SLC47A2: variants seen among roughly 807,000 people sequenced by gnomAD.
SLC47A2 encodes multidrug and toxin extrusion protein 2.
In SLC47A2, 52 loss-of-function variants were observed where a neutral mutation model predicts 67.7. The ratio of observed to expected loss-of-function variants is 0.77; its 90% CI spans 0.61 to 0.97. SLC47A2 has a LOEUF of 0.97. SLC47A2 is among the 50% of genes least tolerant of loss of function. The probability of loss-of-function intolerance (pLI) is 0.00; values close to 1 mark genes in which losing one functional copy is unlikely to be tolerated. For missense variants in SLC47A2, 676 were observed against 712.3 expected (o/e 0.95, Z 0.58); for synonymous variants, 278 against 292.9 (o/e 0.95, Z 0.52).
At position 19,708,737 on chromosome 17, in the gene SLC47A2, C is replaced by T; in HGVS notation, c.510G>A (p.Leu170=). Residue 170 remains leucine (L), a synonymous_variant, in exon 6 of 17, where the codon CTG becomes CTA. Transcript: ENST00000433844. ...GTACCTGATTTTGCAAATATTTTGC[C>T]AGCAGATTGTAAAGAAAAATCACCT... ...GLPVIFLYNL[L]AKYLQNQKIT... is the part of the protein sequence containing the mutation. 6.2e-7 allele frequency: 1 copy of T among 1,613,984 alleles called. No individual in the cohort carries two copies. Among genetic ancestry groups the T allele is most frequent in the Non-Finnish European group, 8.5e-7 (1 of 1,180,036 alleles).
Position 19,705,479 on chromosome 17 carries a change from G to A in SLC47A2, c.866C>T (p.Ser289Phe). ...LMGLLSVVDL[S>F]AQAVIYEVAT... ...CACCTCGTAGATGACAGCCTGGGCA[G>A]AGAGATCCACCACACTGAGCAGCCC... Residue 289 changes from serine to phenylalanine, a missense_variant, in exon 10 of 17, where the codon TCT (serine) becomes TTT (phenylalanine). Ser to Phe is a radical substitution (Grantham distance 155). Transcript: ENST00000433844. The A allele has an allele frequency of 6.2e-7, 1 of 1,611,630 alleles. No homozygotes were observed. The highest frequency in any genetic ancestry group is 1.3e-5 in the African/African-American group (1 of 74,982).
chr17:19,685,461 G>A lies in SLC47A2; in HGVS notation c.1165-3791C>T, dbSNP rs12603959. Among the ~76,000 whole-genome samples, 30,381 of 151,466 alleles carry A rather than the reference G, an allele frequency of 0.2. 3,529 individuals are homozygous for A. The highest frequency in any genetic ancestry group is 0.39 in the East Asian group (1,978 of 5,118). On this transcript the variant is annotated intron_variant, in intron 13 of 16. Transcript: ENST00000433844. This position sits in a 1 kb window ranked among gnomAD's most constrained non-coding sequence, Gnocchi z 4.5. ...AGGAGCCCCTCTGCCTGGCCGCCCC[G>A]TCTGGGAAGTGAGGAGTGCCTCTGC...
intron 13 of SLC47A2, among the ~76,000 whole-genome samples, chr17:19,699,187 G>A (rs1366932606): frequency 2.0e-5 from 3 of 152,026 alleles, no homozygotes; most frequent in Non-Finnish European, 4.4e-5. Flanking sequence ...ACTGGAGAAA[G>A]CCTAGTTTTT....
At chr17:19,716,331 G>C (rs915757139) in intron 1 of SLC47A2, 102 bp downstream of exon 1, 47 of 1,460,012 alleles carry the variant, frequency 3.2e-5, no homozygotes, top group Non-Finnish European at 4.0e-5. Flanking sequence ...GCAGTTTCTG[G>C]GGAAAATGTG....
chr17:19,692,850 G>A (rs541731260), intron 13 of SLC47A2, among the ~76,000 whole-genome samples: 106 of 152,158 alleles, frequency 7.0e-4, no homozygotes, highest in Admixed American at 3.4e-3. Flanking sequence ...AGGTTTATCC[G>A]GGCCAGGCGC....
rs2085906162 is a variant in SLC47A2 at position 19,705,457 on chromosome 17, C to T, written c.888G>A (p.Glu296=). Reference sequence around the variant, plus strand: ...TTACCATGTAGGTCACAGTGGCCACCTCGTAGATGACAGCCTGGGCAGAGA... The same window carrying T: ...TTACCATGTAGGTCACAGTGGCCACTTCGTAGATGACAGCCTGGGCAGAGA... ...VDLSAQAVIY[E]VATVTYMIPL... Residue 296 remains glutamate (E), a synonymous_variant, in exon 10 of 17, where the codon GAG becomes GAA. Transcript: ENST00000433844. 2 of 1,612,528 alleles carry T rather than the reference C, an allele frequency of 1.2e-6. No individual in the cohort carries two copies. The highest frequency in any genetic ancestry group is 2.2e-5 in the East Asian group (1 of 44,764).
At chr17:19,684,240 G>A (rs1567615802) in intron 13 of SLC47A2, among the ~76,000 whole-genome samples, 2 of 152,168 alleles carry the variant, frequency 1.3e-5, no homozygotes, top group African/African-American at 2.4e-5. Flanking sequence ...TTCATACAAA[G>A]TATGTTCTCT....
chr17:19,679,207 C>T (rs1169415220), intron 16 of SLC47A2, among the ~76,000 whole-genome samples: 2 of 152,172 alleles, frequency 1.3e-5, no homozygotes, highest in Non-Finnish European at 2.9e-5. Context: ...TTCAAAAGCA[C>T]GTGGGAAACA....
chr17:19,691,115 C>T, intron 13 of SLC47A2, among the ~76,000 whole-genome samples: 1 of 149,774 alleles, frequency 6.7e-6, no homozygotes, highest in Non-Finnish European at 1.5e-5. Flanking sequence ...AAGAGCGAAA[C>T]TCCGTCTAAA....
At chr17:19,686,851 A>G (rs1042926218) in intron 13 of SLC47A2, among the ~76,000 whole-genome samples, 1 of 152,236 alleles carries the variant, frequency 6.6e-6, no homozygotes, top group Admixed American at 6.5e-5. Flanking sequence ...TAATAGCTAG[A>G]GATTTCAACA....
chr17:19,707,659 C>A, intron 8 of SLC47A2, 87 bp downstream of exon 8: 1 of 1,180,194 alleles, frequency 8.5e-7, no homozygotes, highest in South Asian at 1.3e-5. Context: ...TCTACTGCAC[C>A]CTCTGCCTGC....
intron 13 of SLC47A2, among the ~76,000 whole-genome samples, chr17:19,684,794 A>G (rs529248501): frequency 9.5e-4 from 144 of 152,120 alleles, no homozygotes; most frequent in Middle Eastern, 3.4e-3. Context: ...TGCATCTATT[A>G]AAAAAACTAC....
At chr17:19,714,879 G>C in intron 2 of SLC47A2, 90 bp from the exon 3 acceptor site, 1 of 1,566,500 alleles carries the variant, frequency 6.4e-7, no homozygotes, top group Non-Finnish European at 8.8e-7. Context: ...GTCAGGAAAT[G>C]CTGCCCAGCA....
chr17:19,698,823 C>G (rs1170532413), intron 13 of SLC47A2, among the ~76,000 whole-genome samples: 1 of 144,646 alleles, frequency 6.9e-6, no homozygotes, highest in Non-Finnish European at 1.5e-5. Context: ...TGCAACCAGC[C>G]ATGGATCAAA....
At chr17:19,707,172 A>G (rs2085963202) in intron 8 of SLC47A2, among the ~76,000 whole-genome samples, 1 of 152,130 alleles carries the variant, frequency 6.6e-6, no homozygotes, top group African/African-American at 2.4e-5. Context: ...TGCACTGGGC[A>G]AGCTTGGAAG....
intron 13 of SLC47A2, among the ~76,000 whole-genome samples, chr17:19,694,510 T>A (rs774315938): frequency 5.9e-5 from 9 of 152,210 alleles, no homozygotes; most frequent in Non-Finnish European, 8.8e-5. Flanking sequence ...AGAAACTTAG[T>A]ACTGGAGAAA....
In SLC47A2 at chr17:19,705,459, C is replaced by A; in HGVS notation, c.886G>T (p.Glu296Ter). ...VDLSAQAVIYEVATVTYMIPL... is the reference protein window; with the variant it reads ...VDLSAQAVIY The stretch of plus-strand genomic sequence containing the variant: ...ACCATGTAGGTCACAGTGGCCACCT[C>A]GTAGATGACAGCCTGGGCAGAGAGA... Residue 296 changes from glutamate to a stop codon, truncating the protein, a stop_gained, in exon 10 of 17, where the codon GAG (glutamate) becomes TAG (stop). Transcript: ENST00000433844. LOFTEE classifies it high-confidence loss of function. 2 of 1,612,502 alleles carry A rather than the reference C, an allele frequency of 1.2e-6. No homozygotes were observed.
rs773382169 is a variant in SLC47A2, at chr17:19,702,621, A to C, written c.1148T>G (p.Val383Gly). 5.6e-6 allele frequency: 9 copies of C among 1,613,930 alleles called. No individual in the cohort carries two copies. Among genetic ancestry groups the C allele is most frequent in the Non-Finnish European group, 7.6e-6 (9 of 1,179,994 alleles). Residue 383 changes from valine to glycine, a missense_variant, in exon 13 of 17, where the codon GTG becomes GGG. Transcript: ENST00000433844. ...GGTACTTACACAGATGGCCTCAAAC[A>C]CGTGAAAGACACTATAAACCGGCAA... is the stretch of plus-strand genomic sequence containing the variant. ...QVLPVYSVFH[V>G]FEAICCVYGG...
At chr17:19,701,060 C>T (rs1472910491) in intron 13 of SLC47A2, among the ~76,000 whole-genome samples, 2 of 149,616 alleles carry the variant, frequency 1.3e-5, no homozygotes, top group Non-Finnish European at 1.5e-5. Flanking sequence ...CCCAGCTATT[C>T]GGGAGGCTGA....
Sources: gnomAD v4.1 joint callset for allele counts (sites outside exome capture counted in the v4.1 genomes callset) on GRCh38, gnomAD v4.1.1 for gene constraint, Gnocchi (gnomAD v3.1) non-coding constraint, MANE v1.5 for transcripts, NCBI Gene and HGNC (gene_info 2026-07-23, HGNC 2026-07-21) for gene names.